The following DLG2 variants were observed in gnomAD, a reference collection of about 807,000 sequenced individuals.
The protein encoded by DLG2 is discs large MAGUK scaffold protein 2.
A neutral mutation model predicts 132.5 loss-of-function variants in DLG2; 45 were observed. The ratio of observed to expected loss-of-function variants is 0.34; its 90% CI spans 0.27 to 0.44. The LOEUF (loss-of-function observed/expected upper bound fraction) is 0.44, where lower values mean the gene tolerates loss of function less well. Ranked by LOEUF, DLG2 falls within the 20% of genes least tolerant of loss-of-function variation. DLG2 has a pLI of 1.00. For missense variants in DLG2, 1,045 were observed against 1,196.9 expected (o/e 0.87, Z 1.87); for synonymous variants, 424 against 419.6 (o/e 1.01, Z -0.13).
chr11:84,907,182 C>T (rs973360070), intron 6 of DLG2, among the ~76,000 whole-genome samples: 7 of 152,046 alleles, frequency 4.6e-5, no homozygotes, highest in Admixed American at 2.0e-4. Flanking sequence ...CTGACAAGTC[C>T]GACTTCATTT....
intron 4 of DLG2, among the ~76,000 whole-genome samples, chr11:85,243,611 G>A (rs2075998494): frequency 6.6e-6 from 1 of 151,872 alleles, no homozygotes; most frequent in Non-Finnish European, 1.5e-5. Context: ...AGCAGCAGTT[G>A]GCCTTACCAA....
At chr11:85,069,054 G>C (rs4402316) in intron 6 of DLG2, among the ~76,000 whole-genome samples, 34,907 of 150,266 alleles carry the variant, frequency 0.23, 4,368 homozygotes, top group Middle Eastern at 0.29. Flanking sequence ...AATGGGGAAA[G>C]GATTCCCTAT....
At chr11:84,663,942 GCCATGACTAAAGGACA>G (rs2099697421) in intron 6 of DLG2, among the ~76,000 whole-genome samples, 1 of 152,154 alleles carries the variant, frequency 6.6e-6, no homozygotes, top group African/African-American at 2.4e-5. Flanking sequence ...AGGCAGGCAA[GCCATGACTAAAGGACA>G]CCTGTTTTGA....
chr11:83,469,339 A>G lies in DLG2; in HGVS notation c.2481T>C (p.Asp827=). Reference sequence around the variant, plus strand: ...AAATGACAAAGTGATAGTCTCTGCCATCCACCTCGTAGTCTCGCTTTGGCC... The same window carrying G: ...AAATGACAAAGTGATAGTCTCTGCCGTCCACCTCGTAGTCTCGCTTTGGCC... The part of the protein sequence containing the change: ...TTRPKRDYEV[D]GRDYHFVISR... The change falls in exon 25 of 28, where the codon GAT becomes GAC. Residue 827 remains aspartate (D), a synonymous_variant. Transcript: ENST00000376104. 1 of 1,613,210 alleles carries G rather than the reference A, an allele frequency of 6.2e-7. No individual in the cohort carries two copies.
intron 7 of DLG2, among the ~76,000 whole-genome samples, chr11:84,256,433 A>AATCT (rs1003810351): frequency 5.3e-5 from 8 of 152,146 alleles, no homozygotes; most frequent in African/African-American, 1.9e-4. Context: ...CAAAAGACTT[A>AATCT]ATCTAGTACC....
Position 84,479,312 on chromosome 11 carries a change from C to A in DLG2, c.519+55258G>T, listed in dbSNP as rs199701355. On this transcript the variant is annotated intron_variant, in intron 7 of 27. Coordinates refer to ENST00000376104, the MANE Select transcript of DLG2 (RefSeq NM_001142699.3). ...CAAACTATTTCTCTTAGGTTTGAGTCAAGAGAAGCCAAAATGAGTCCTCAG... is the reference window on the plus strand; with the variant it reads ...CAAACTATTTCTCTTAGGTTTGAGTAAAGAGAAGCCAAAATGAGTCCTCAG... Among the ~76,000 whole-genome samples, 23 of 152,162 alleles carry A rather than the reference C, an allele frequency of 1.5e-4. No individual in the cohort carries two copies. In the East Asian group the frequency reaches 4.2e-3, roughly 28 times the overall value.
chr11:83,915,409 C>T (rs1319973831), intron 15 of DLG2, among the ~76,000 whole-genome samples: 45 of 152,084 alleles, frequency 3.0e-4, no homozygotes, highest in Admixed American at 2.9e-3. Context: ...GCTCTGGTAG[C>T]TATCATCTTT....
intron 3 of DLG2, among the ~76,000 whole-genome samples, chr11:85,369,120 G>T (rs566052118): frequency 6.6e-6 from 1 of 152,082 alleles, no homozygotes; most frequent in African/African-American, 2.4e-5. Flanking sequence ...GAGGGTGGGG[G>T]AAACAAGCCG....
intron 11 of DLG2, among the ~76,000 whole-genome samples, chr11:84,059,102 G>A (rs2096550847): frequency 6.6e-6 from 1 of 152,022 alleles, no homozygotes; most frequent in Non-Finnish European, 1.5e-5. Flanking sequence ...TTTTAAGGAT[G>A]TTTCTACATA....
At chr11:84,418,273 T>C (rs1267718867) in intron 7 of DLG2, among the ~76,000 whole-genome samples, 1 of 152,202 alleles carries the variant, frequency 6.6e-6, no homozygotes, top group Non-Finnish European at 1.5e-5. Flanking sequence ...TACAACGTTA[T>C]TTTCTAGTTT....
chr11:83,891,722 A>G (rs751919760), intron 15 of DLG2, among the ~76,000 whole-genome samples: 4 of 152,172 alleles, frequency 2.6e-5, no homozygotes, highest in Non-Finnish European at 5.9e-5. Flanking sequence ...CACATTTCCC[A>G]TGGCAACCGA....
chr11:84,992,141 T>G (rs2057188510), intron 6 of DLG2, among the ~76,000 whole-genome samples: 1 of 152,180 alleles, frequency 6.6e-6, no homozygotes. Flanking sequence ...AGTTCTCATG[T>G]TTTCTGAACT....
intron 6 of DLG2, among the ~76,000 whole-genome samples, chr11:84,791,784 T>G (rs1213530369): frequency 6.6e-6 from 1 of 152,228 alleles, no homozygotes; most frequent in Non-Finnish European, 1.5e-5. Flanking sequence ...ATGTTGATTT[T>G]GTATTCTTCA....
At chr11:84,682,333 T>C (rs1373469975) in intron 6 of DLG2, among the ~76,000 whole-genome samples, 1 of 152,206 alleles carries the variant, frequency 6.6e-6, no homozygotes, top group Non-Finnish European at 1.5e-5. Flanking sequence ...GTACCTGATC[T>C]ACAGACTTCA....
intron 6 of DLG2, among the ~76,000 whole-genome samples, chr11:85,074,444 T>C (rs1189064003): frequency 6.6e-6 from 1 of 151,844 alleles, no homozygotes; most frequent in African/African-American, 2.4e-5. Flanking sequence ...ATTAATCCCA[T>C]CAAGACACAG....
At chr11:84,475,874 T>C (rs2099120282) in intron 7 of DLG2, among the ~76,000 whole-genome samples, 1 of 152,088 alleles carries the variant, frequency 6.6e-6, no homozygotes, top group Non-Finnish European at 1.5e-5. Flanking sequence ...GGCATGGTAC[T>C]GTGACCTCCT....
At chr11:84,158,683 TA>T (rs2095482991) in intron 9 of DLG2, among the ~76,000 whole-genome samples, 3 of 152,202 alleles carry the variant, frequency 2.0e-5, no homozygotes. Context: ...AGCAAAAGTA[TA>T]AGCTGTAAAT....
chr11:84,573,070 G>A (rs543207178), intron 6 of DLG2, among the ~76,000 whole-genome samples: 9 of 152,240 alleles, frequency 5.9e-5, no homozygotes, highest in African/African-American at 2.2e-4. Flanking sequence ...ATATTTGTGA[G>A]TAAACAAATG....
intron 3 of DLG2, among the ~76,000 whole-genome samples, chr11:85,543,386 T>C (rs927133290): frequency 3.9e-5 from 6 of 152,246 alleles, no homozygotes; most frequent in South Asian, 2.1e-4. Context: ...CAGTCTATCA[T>C]TGATGGACAT....
Sources: gnomAD v4.1 joint callset for allele counts (sites outside exome capture counted in the v4.1 genomes callset) on GRCh38, gnomAD v4.1.1 for gene constraint, MANE v1.5 for transcripts, NCBI Gene and HGNC (gene_info 2026-07-23, HGNC 2026-07-21) for gene names.